INPP4B: variants seen among roughly 807,000 people sequenced by gnomAD.
INPP4B encodes the protein inositol polyphosphate 4-phosphatase type II.
In INPP4B, 55 loss-of-function variants were observed where a neutral mutation model predicts 122.5. The observed-to-expected ratio is 0.45, with a 90% CI of 0.36 to 0.56. The LOEUF (loss-of-function observed/expected upper bound fraction) is 0.56. INPP4B is among the 20% of genes least tolerant of loss of function. The probability of loss-of-function intolerance (pLI) is 0.00; values close to 1 mark genes in which losing one functional copy is unlikely to be tolerated. For missense variants in INPP4B, 1,000 were observed against 1,097.7 expected, an observed-to-expected ratio of 0.91 and a Z score of 1.26; for synonymous variants, 403 against 388.7, an observed-to-expected ratio of 1.04 and a Z score of -0.43.
Position 142,160,405 on chromosome 4 carries a change from C to T in INPP4B, c.1516G>A (p.Gly506Arg), listed in dbSNP as rs1213475561. 1.2e-6 allele frequency: 2 copies of T among 1,601,606 alleles called. No homozygotes were observed. The highest frequency in any genetic ancestry group is 2.2e-5 in the East Asian group (1 of 44,610). The change falls in exon 17 of 26, where the codon GGG (glycine) becomes AGG (arginine). Residue 506 changes from glycine (G) to arginine (R), a missense_variant. Physicochemically the swap from Gly to Arg is moderately radical, Grantham distance 125. Transcript: ENST00000262992. The stretch of plus-strand genomic sequence containing the variant: ...GAATGATGTGGTATGGAGTCCTGCC[C>T]TCTCATCACTGGGGGTTGGTCTTGG... Reference protein sequence around the residue: ...SPQDQPPVMRGQDSIPHHSDY... With the variant: ...SPQDQPPVMRRQDSIPHHSDY...
At chr4:142,806,773 AAGAAAGAAAGAAGGAAAG>A in intron 1 of INPP4B, among the ~76,000 whole-genome samples, 1 of 82,452 alleles carries the variant, frequency 1.2e-5, no homozygotes, top group African/African-American at 4.5e-5. Flanking sequence ...AGAAGAAAGA[AAGAAAGAAAGAAGGAAAG>A]AAAGAAAGAA....
chr4:142,456,841 C>G (rs1032573154), intron 3 of INPP4B, among the ~76,000 whole-genome samples: 1 of 151,744 alleles, frequency 6.6e-6, no homozygotes, highest in Non-Finnish European at 1.5e-5. Context: ...CAAGAAAAAG[C>G]TAATTCTAAA....
chr4:142,774,363 G>C (rs143912956), intron 1 of INPP4B, among the ~76,000 whole-genome samples: 1 of 152,076 alleles, frequency 6.6e-6, no homozygotes, highest in Non-Finnish European at 1.5e-5. Context: ...ATCATTAAAA[G>C]GTAGTGCTGC....
At chr4:142,134,797 CAAAAA>C (rs58297348) in intron 18 of INPP4B, among the ~76,000 whole-genome samples, 6 of 51,296 alleles carry the variant, frequency 1.2e-4, no homozygotes, top group Non-Finnish European at 2.2e-4. Flanking sequence ...AACTCTGTCT[CAAAAA>C]AAAAAAAAAA....
At chr4:142,463,483 C>T (rs1048244086) in intron 2 of INPP4B, among the ~76,000 whole-genome samples, 1 of 152,172 alleles carries the variant, frequency 6.6e-6, no homozygotes, top group African/African-American at 2.4e-5. Flanking sequence ...TGTTCCTAAA[C>T]TTTGCACCAT....
chr4:142,728,997 G>A (rs1018111492), intron 1 of INPP4B, among the ~76,000 whole-genome samples: 1 of 152,002 alleles, frequency 6.6e-6, no homozygotes, highest in South Asian at 2.1e-4. Flanking sequence ...CAAACTTTTT[G>A]GCACCAGGAC....
At chr4:142,203,635 T>G (rs1841568791) in intron 14 of INPP4B, among the ~76,000 whole-genome samples, 1 of 152,076 alleles carries the variant, frequency 6.6e-6, no homozygotes, top group African/African-American at 2.4e-5. Flanking sequence ...CTTAATGAGT[T>G]TCAGGGCACC....
At chr4:142,291,562 T>C (rs1457787843) in intron 9 of INPP4B, among the ~76,000 whole-genome samples, 3 of 152,196 alleles carry the variant, frequency 2.0e-5, no homozygotes. Flanking sequence ...TGTACTGTTA[T>C]AAAATGTTGC....
chr4:142,060,517 A>G (rs1185337281), intron 25 of INPP4B, among the ~76,000 whole-genome samples: 1 of 152,232 alleles, frequency 6.6e-6, no homozygotes, highest in Non-Finnish European at 1.5e-5. Context: ...AAAGAAATGA[A>G]TGTAAATTTA....
chr4:142,620,678 A>G lies in INPP4B; in HGVS notation c.-191+105161T>C, dbSNP rs572014599. Among the ~76,000 whole-genome samples, 6 of 152,190 alleles carry G rather than the reference A, an allele frequency of 3.9e-5. No individual in the cohort carries two copies. In the South Asian group the frequency reaches 1.2e-3, roughly 31 times the overall value. Reference sequence around the variant, plus strand: ...AAATAAGAGTTAAAAAAATAAAGATATGAGTATTAAAAATAAAAAAAAGTT... The same window carrying G: ...AAATAAGAGTTAAAAAAATAAAGATGTGAGTATTAAAAATAAAAAAAAGTT... On this transcript the variant is annotated intron_variant, in intron 2 of 25. Transcript: ENST00000262992.
chr4:142,448,629 C>A (rs909797762), intron 3 of INPP4B, among the ~76,000 whole-genome samples: 1 of 152,118 alleles, frequency 6.6e-6, no homozygotes, highest in Non-Finnish European at 1.5e-5. Context: ...ACCAGAAACA[C>A]GATCCAGATG....
intron 9 of INPP4B, among the ~76,000 whole-genome samples, chr4:142,305,146 G>GA (rs1042356168): frequency 2.0e-5 from 3 of 152,026 alleles, no homozygotes; most frequent in Admixed American, 1.3e-4. Flanking sequence ...ATAAGTAAGA[G>GA]AAAAAATATT....
intron 2 of INPP4B, among the ~76,000 whole-genome samples, chr4:142,617,101 A>C (rs1743874498): frequency 6.6e-6 from 1 of 152,122 alleles, no homozygotes; most frequent in African/African-American, 2.4e-5. Context: ...AAATAGAATA[A>C]AAATTTAAAA....
chr4:142,110,586 A>G (rs1342501349), intron 22 of INPP4B, among the ~76,000 whole-genome samples: 9 of 152,182 alleles, frequency 5.9e-5, no homozygotes, highest in African/African-American at 1.7e-4. Flanking sequence ...GAGAGTAAGC[A>G]ATATGCTCAA....
intron 25 of INPP4B, among the ~76,000 whole-genome samples, chr4:142,032,858 T>C (rs547091371): frequency 6.6e-5 from 10 of 152,308 alleles, no homozygotes; most frequent in African/African-American, 9.6e-5. Context: ...CAATAACTTA[T>C]GCCATTTGTA....
At chr4:142,836,107 G>T (rs927041300) in intron 1 of INPP4B, among the ~76,000 whole-genome samples, 1 of 152,020 alleles carries the variant, frequency 6.6e-6, no homozygotes, top group Non-Finnish European at 1.5e-5. Flanking sequence ...GATACCACAG[G>T]TTACTGGATA....
intron 2 of INPP4B, among the ~76,000 whole-genome samples, chr4:142,537,419 T>G (rs1174832625): frequency 1.9e-5 from 1 of 52,140 alleles, no homozygotes; most frequent in Non-Finnish European, 4.1e-5. Flanking sequence ...TATATATATA[T>G]ATATATATAT....
chr4:142,342,907 G>A (rs977860897), intron 7 of INPP4B, among the ~76,000 whole-genome samples: 2 of 152,024 alleles, frequency 1.3e-5, no homozygotes, highest in African/African-American at 2.4e-5. Flanking sequence ...ATGTGGATGC[G>A]TTTAAAACTG....
At chr4:142,383,966 G>A (rs1246019602) in intron 7 of INPP4B, 17 of 636,060 alleles carry the variant, frequency 2.7e-5, no homozygotes, top group African/African-American at 1.4e-4. Context: ...AGTTACCATC[G>A]TGCAGCTGTC....
Sources: allele counts gnomAD v4.1 joint callset (sites outside exome capture counted in the v4.1 genomes callset), GRCh38; gene constraint gnomAD v4.1.1; transcripts MANE v1.5; gene names NCBI Gene and HGNC (gene_info 2026-07-23, HGNC 2026-07-21).